Variants in DCTPP1 observed in about 807,000 individuals in gnomAD.
DCTPP1 encodes XTP3-transactivated gene A protein.
Under a neutral mutation model 8.8 loss-of-function variants are expected in DCTPP1, and 8 were observed. The observed-to-expected ratio is 0.91, with a 90% CI of 0.54 to 1.64. DCTPP1 has a LOEUF of 1.64. Among genes scored for constraint, DCTPP1 ranks in the 40% most tolerant of loss-of-function variants. DCTPP1 has a pLI of 0.00. For missense variants in DCTPP1, 231 were observed against 230.4 expected, an observed-to-expected ratio of 1.00 and a Z score of -0.02; for synonymous variants, 85 against 92.1, an observed-to-expected ratio of 0.92 and a Z score of 0.44.
intron 2 of DCTPP1, among the ~76,000 whole-genome samples, chr16:30,426,238 C>T (rs904458296): frequency 3.9e-5 from 6 of 152,070 alleles, no homozygotes; most frequent in Non-Finnish European, 7.4e-5. Context: ...TGCAGTGGCA[C>T]GATCTTGGCT....
rs1334224020 is a variant in DCTPP1 at position 30,430,001 on chromosome 16, G to A, written c.-21C>T. On this transcript the variant is annotated 5_prime_UTR_variant, in exon 1 of 3. Coordinates refer to ENST00000319285, the MANE Select transcript of DCTPP1 (RefSeq NM_024096.2). ...GACATGCCGCCCACCGCTGCACCGC[G>A]ACTTCACGGAAAACCCACGAGCCAC... 3 of 1,466,126 alleles carry A rather than the reference G, an allele frequency of 2.0e-6. No homozygotes were observed. The highest frequency in any genetic ancestry group is 2.6e-5 in the Admixed American group (1 of 39,110). The allele number at this position is 1,466,126 out of a possible 1,614,324, so 90.8% of individuals were successfully genotyped here. A position where few individuals can be genotyped will look rare whatever the true frequency, so the allele number is the denominator to read the frequency against.
rs765567699 is a variant in DCTPP1, at chr16:30,424,242, G to C, written c.504C>G (p.Thr168=). The C allele has an allele frequency of 1.4e-5, 23 of 1,613,890 alleles. No homozygotes were observed. The East Asian group carries it at 3.3e-4, about 23-fold the overall frequency. The part of the protein sequence containing the change: ...ADIPCDSTGQ[T]ST ...TCCTGTGGCCATCTTTCTAGGTTGA[G>C]GTCTGGCCTGTGGAGTCACAGGGAA... The change falls in exon 3 of 3, where the codon ACC becomes ACG. Residue 168 remains threonine, a synonymous_variant. Coordinates refer to ENST00000319285, the MANE Select transcript of DCTPP1 (RefSeq NM_024096.2).
chr16:30,426,779 A>C (rs2050197036), intron 2 of DCTPP1, among the ~76,000 whole-genome samples: 1 of 151,116 alleles, frequency 6.6e-6, no homozygotes, highest in African/African-American at 2.4e-5. Context: ...GGCTTACTGC[A>C]ACCTCTGCCT....
At chr16:30,429,204 G>A (rs755762163) in intron 1 of DCTPP1, 37 bp from the exon 2 acceptor site, 3 of 1,609,196 alleles carry the variant, frequency 1.9e-6, no homozygotes, top group Admixed American at 1.7e-5. Flanking sequence ...CCAAGTCTCC[G>A]GGTTAGAGGG....
At chr16:30,424,575 T>C in intron 2 of DCTPP1, 42 bp from the exon 3 acceptor site, 1 of 1,592,416 alleles carries the variant, frequency 6.3e-7, no homozygotes, top group East Asian at 2.2e-5. Flanking sequence ...AGATGTAACC[T>C]GGGGCAATGG....
chr16:30,429,582 C>G (rs1437581610), intron 1 of DCTPP1: 7 of 452,760 alleles, frequency 1.5e-5, no homozygotes, highest in Non-Finnish European at 2.7e-5. Flanking sequence ...GTTTGCCCCT[C>G]TCGTACCCCC....
chr16:30,429,166 G>C lies in DCTPP1; in HGVS notation c.103C>G (p.Arg35Gly). 1.2e-6 allele frequency: 2 copies of C among 1,614,034 alleles called. No homozygotes were observed. Among genetic ancestry groups the C allele is most frequent in the Non-Finnish European group, 1.7e-6 (2 of 1,179,964 alleles). ...FSPEPTLEDI[R>G]RLHAEFAAER... is the part of the protein sequence containing the mutation. ...GCAGCAAACTCAGCATGGAGGCGGCGGCTGAAATAGGACAAAGGAGTGTAA... is the reference window on the plus strand; with the variant it reads ...GCAGCAAACTCAGCATGGAGGCGGCCGCTGAAATAGGACAAAGGAGTGTAA... The change falls in exon 2 of 3, where the codon CGC (arginine) becomes GGC (glycine). Residue 35 changes from arginine (R) to glycine (G), a missense_variant and splice_region_variant. Arg to Gly is a moderately radical substitution (Grantham distance 125, BLOSUM62 -2). Transcript: ENST00000319285.
At chr16:30,429,683 C>A (rs2050213718) in intron 1 of DCTPP1, 197 bp downstream of exon 1, 1 of 544,196 alleles carries the variant, frequency 1.8e-6, no homozygotes, top group Admixed American at 4.0e-5. Context: ...GAGGCACCAC[C>A]CAATTTCCCT....
intron 2 of DCTPP1, 57 bp downstream of exon 2, chr16:30,429,000 G>GCTCCC: frequency 1.3e-6 from 2 of 1,500,978 alleles, no homozygotes; most frequent in South Asian, 1.3e-5. Flanking sequence ...CCAAATAAAT[G>GCTCCC]CTCCCCTCCC....
chr16:30,429,176 G>A lies in DCTPP1; in HGVS notation c.102-9C>T, dbSNP rs1231916181. On this transcript the variant is annotated splice_polypyrimidine_tract_variant and intron_variant, in intron 1 of 2. Transcript: ENST00000319285. The stretch of plus-strand genomic sequence containing the variant: ...CAGCATGGAGGCGGCGGCTGAAATA[G>A]GACAAAGGAGTGTAAGTCCAAGTCT... 6.2e-7 allele frequency: 1 copy of A among 1,613,844 alleles called. No individual in the cohort carries two copies. The highest frequency in any genetic ancestry group is 8.5e-7 in the Non-Finnish European group (1 of 1,179,866).
Position 30,424,428 on chromosome 16 carries a change from T to G in DCTPP1, c.318A>C (p.Leu106Phe). 6.2e-7 allele frequency: 1 copy of G among 1,614,214 alleles called. No individual in the cohort carries two copies. The highest frequency in any genetic ancestry group is 8.5e-7 in the Non-Finnish European group (1 of 1,180,038). Residue 106 changes from leucine (L) to phenylalanine (F), a missense_variant, in exon 3 of 3, where the codon TTA becomes TTC. Coordinates refer to ENST00000319285, the MANE Select transcript of DCTPP1 (RefSeq NM_024096.2). ...LSDVLIYLVA[L>F]AARCRVDLPL... The stretch of plus-strand genomic sequence containing the variant: ...GCAGATCCACACGGCAGCGGGCTGC[T>G]AATGCCACCAGGTAGATGAGGACGT...
At chr16:30,425,687 T>G (rs532257197) in intron 2 of DCTPP1, among the ~76,000 whole-genome samples, 1 of 152,082 alleles carries the variant, frequency 6.6e-6, no homozygotes, top group Admixed American at 6.6e-5. Context: ...CGCATGCCTG[T>G]AATCTCAGCT....
At position 30,423,848 on chromosome 16, in the gene DCTPP1, A is replaced by G. The variant is rs1233491231; in HGVS notation, c.*385T>C. Reference sequence around the variant, plus strand: ...ACCATCTGGACTCTTACAGCCTTCAATCTCTAAGAGGGGGAAGGAACTTAC... The same window carrying G: ...ACCATCTGGACTCTTACAGCCTTCAGTCTCTAAGAGGGGGAAGGAACTTAC... On this transcript the variant is annotated 3_prime_UTR_variant, in exon 3 of 3. Transcript: ENST00000319285. The G allele has an allele frequency of 5.2e-6, 1 of 191,314 alleles. No homozygotes were observed. The highest frequency in any genetic ancestry group is 1.1e-5 in the Non-Finnish European group (1 of 92,752). The allele number at this position is 191,314 out of a possible 1,614,324, so 11.9% of individuals were successfully genotyped here.
At chr16:30,427,565 C>G (rs1294406173) in intron 2 of DCTPP1, among the ~76,000 whole-genome samples, 1 of 152,176 alleles carries the variant, frequency 6.6e-6, no homozygotes, top group Non-Finnish European at 1.5e-5. Flanking sequence ...TAGAACTTGT[C>G]ATAATTCCAG....
chr16:30,424,159 A>G lies in DCTPP1; in HGVS notation c.*74T>C. The G allele has an allele frequency of 1.3e-6, 2 of 1,530,848 alleles. No homozygotes were observed. The highest frequency in any genetic ancestry group is 1.8e-6 in the Non-Finnish European group (2 of 1,137,402). The allele number at this position is 1,530,848 out of a possible 1,614,324, so 94.8% of individuals were successfully genotyped here. On this transcript the variant is annotated 3_prime_UTR_variant, in exon 3 of 3. Coordinates refer to ENST00000319285, the MANE Select transcript of DCTPP1 (RefSeq NM_024096.2). ...CCATGATCTATTCTGAAAAGACTAG[A>G]AAAAGGCTCCAGGGCCAGGCCACTC...
At chr16:30,425,247 G>A (rs1299717295) in intron 2 of DCTPP1, among the ~76,000 whole-genome samples, 2 of 152,202 alleles carry the variant, frequency 1.3e-5, no homozygotes, top group Non-Finnish European at 1.5e-5. Flanking sequence ...CCAGCACTTG[G>A]GGAGGCTGAA....
chr16:30,424,661 GT>G, intron 2 of DCTPP1, 128 bp from the exon 3 acceptor site: 2 of 1,192,150 alleles, frequency 1.7e-6, no homozygotes, highest in Non-Finnish European at 2.3e-6. Flanking sequence ...GAAGAGTCAG[GT>G]GGGGAAGAGA....
chr16:30,430,010 G>T lies in DCTPP1; in HGVS notation c.-30C>A. 1 of 1,437,762 alleles carries T rather than the reference G, an allele frequency of 7.0e-7. No homozygotes were observed. The highest frequency in any genetic ancestry group is 9.2e-7 in the Non-Finnish European group (1 of 1,092,710). The allele number at this position is 1,437,762 out of a possible 1,614,324, so 89.1% of individuals were successfully genotyped here. On this transcript the variant is annotated 5_prime_UTR_variant, in exon 1 of 3. Transcript: ENST00000319285. ...CCCACCGCTGCACCGCGACTTCACG[G>T]AAAACCCACGAGCCACGCTCGAAGC... is the stretch of plus-strand genomic sequence containing the variant.
At chr16:30,424,814 T>G (rs1307041594) in intron 2 of DCTPP1, among the ~76,000 whole-genome samples, 1 of 152,184 alleles carries the variant, frequency 6.6e-6, no homozygotes, top group Non-Finnish European at 1.5e-5. Flanking sequence ...AGACCAAACC[T>G]CGGACCTGGA....
Sources: gnomAD v4.1 joint callset for allele counts (sites outside exome capture counted in the v4.1 genomes callset) on GRCh38, gnomAD v4.1.1 for gene constraint, MANE v1.5 for transcripts, NCBI Gene and HGNC (gene_info 2026-07-23, HGNC 2026-07-21) for gene names.